The following AGAP1 variants were observed in gnomAD, a reference collection of about 807,000 sequenced individuals.
The protein encoded by AGAP1 is arf-GAP with GTPase, ANK repeat and PH domain-containing protein 1.
In AGAP1, 29 loss-of-function variants were observed where a neutral mutation model predicts 105.3. The observed-to-expected ratio is 0.28, with a 90% confidence interval of 0.21 to 0.38. The LOEUF (loss-of-function observed/expected upper bound fraction) is 0.38. Ranked by LOEUF, AGAP1 falls within the 10% of genes least tolerant of loss-of-function variation. The probability of loss-of-function intolerance (pLI) is 1.00; values close to 1 mark genes in which losing one functional copy is unlikely to be tolerated. For missense variants in AGAP1, 998 were observed against 1,165.1 expected (o/e 0.86, Z 2.09); for synonymous variants, 509 against 485.9 (o/e 1.05, Z -0.63).
intron 9 of AGAP1, among the ~76,000 whole-genome samples, chr2:235,844,234 C>T (rs865850569): frequency 3.9e-5 from 6 of 152,262 alleles, no homozygotes; most frequent in African/African-American, 1.2e-4. Context: ...TTCTAAACAA[C>T]GAATTAAAAT....
chr2:235,842,280 G>A lies in AGAP1; in HGVS notation c.1050+34949G>A, dbSNP rs1473956410. On this transcript the variant is annotated intron_variant, in intron 9 of 17. Transcript: ENST00000304032. This position sits in a 1 kb window ranked among gnomAD's most constrained non-coding sequence, Gnocchi z 5.3. ...ATTCATTCGTATTTCCACTGACTTC[G>A]ACTGAAAGTTAACGTTTCCTTCAGA... Among the ~76,000 whole-genome samples the A allele has an allele frequency of 2.6e-5, 4 of 152,226 alleles. No homozygotes were observed. Among genetic ancestry groups the A allele is most frequent in the African/African-American group, 7.2e-5 (3 of 41,454 alleles).
intron 11 of AGAP1, among the ~76,000 whole-genome samples, chr2:235,916,132 A>C (rs1271691506): frequency 2.0e-5 from 3 of 150,440 alleles, no homozygotes; most frequent in Non-Finnish European, 4.4e-5. Flanking sequence ...CTCTGTCTTA[A>C]AGGGTTTTGA....
intron 5 of AGAP1, among the ~76,000 whole-genome samples, chr2:235,749,394 C>G (rs1279246723): frequency 2.0e-5 from 3 of 151,540 alleles, no homozygotes; most frequent in African/African-American, 7.3e-5. Flanking sequence ...AAAAAAAAAG[C>G]TCAGTTTCTT....
intron 1 of AGAP1, 76 bp from the exon 2 acceptor site, chr2:235,709,103 A>G (rs1204321260): frequency 2.1e-6 from 3 of 1,425,080 alleles, no homozygotes; most frequent in African/African-American, 1.4e-5. Flanking sequence ...GGATGTGAAA[A>G]TGGCCCATTG....
intron 4 of AGAP1, among the ~76,000 whole-genome samples, chr2:235,743,274 G>A (rs1952696101): frequency 6.6e-6 from 1 of 152,232 alleles, no homozygotes; most frequent in African/African-American, 2.4e-5. Flanking sequence ...AAGTCAGAAT[G>A]CACCCTTAGG....
In AGAP1 at chr2:235,601,290, C is replaced by T. The variant is rs376327301; in HGVS notation, c.163+106441C>T. On this transcript the variant is annotated intron_variant, in intron 1 of 17. Transcript: ENST00000304032. The surrounding 1 kb of genome is among the most constrained non-coding windows in gnomAD (Gnocchi z 4.4). ...CTGTGCTTGGGGGTGGGGAGAGAGG[C>T]GAGAAGGGAAGGAGAAAGAGATGGA... is the stretch of plus-strand genomic sequence containing the variant. Among the ~76,000 whole-genome samples, 185 of 152,150 alleles carry T rather than the reference C, an allele frequency of 1.2e-3. No homozygotes were observed. Among genetic ancestry groups the T allele is most frequent in the Non-Finnish European group, 2.0e-3 (133 of 68,002 alleles).
At chr2:235,641,297 T>TTCTTTCTCTCTC (rs897669072) in intron 1 of AGAP1, among the ~76,000 whole-genome samples, 1 of 88,828 alleles carries the variant, frequency 1.1e-5, no homozygotes, top group African/African-American at 4.6e-5. Context: ...CTGCGATTCT[T>TTCTTTCTCTCTC]TCTTTCTCTC....
At chr2:235,746,125 C>CA (rs1169076813) in intron 5 of AGAP1, among the ~76,000 whole-genome samples, 2 of 151,190 alleles carry the variant, frequency 1.3e-5, no homozygotes, top group African/African-American at 2.4e-5. Context: ...GATTCTGTCT[C>CA]AAAAAAATAA....
At chr2:235,804,913 T>C (rs566368596) in intron 8 of AGAP1, among the ~76,000 whole-genome samples, 1 of 152,292 alleles carries the variant, frequency 6.6e-6, no homozygotes, top group East Asian at 1.9e-4. Context: ...ATTCCTCGGA[T>C]CCATTCCAGC....
intron 16 of AGAP1, among the ~76,000 whole-genome samples, chr2:236,071,955 A>G (rs1439255119): frequency 6.6e-6 from 1 of 152,076 alleles, no homozygotes; most frequent in Non-Finnish European, 1.5e-5. Flanking sequence ...GGTAAACTTA[A>G]AATTGTCCAA....
intron 9 of AGAP1, among the ~76,000 whole-genome samples, chr2:235,810,321 G>A (rs1453448145): frequency 6.6e-6 from 1 of 152,142 alleles, no homozygotes; most frequent in Non-Finnish European, 1.5e-5. Context: ...AGAGAACTGT[G>A]TCTTAATGCT....
At chr2:235,627,827 T>C (rs1329481899) in intron 1 of AGAP1, among the ~76,000 whole-genome samples, 1 of 152,204 alleles carries the variant, frequency 6.6e-6, no homozygotes, top group Non-Finnish European at 1.5e-5. Context: ...GTGCTTTGAA[T>C]GTTATTTTTG....
chr2:235,763,382 G>A (rs1954632735), intron 6 of AGAP1, among the ~76,000 whole-genome samples: 1 of 152,116 alleles, frequency 6.6e-6, no homozygotes, highest in South Asian at 2.1e-4. Context: ...CCCACCCTGT[G>A]GTTATTGATT....
chr2:235,509,102 C>G (rs1269589086), intron 1 of AGAP1, among the ~76,000 whole-genome samples: 1 of 152,214 alleles, frequency 6.6e-6, no homozygotes, highest in African/African-American at 2.4e-5. Flanking sequence ...GTGGTGTGAA[C>G]TCATGTGATG....
chr2:236,099,653 G>A lies in AGAP1; in HGVS notation c.2115-20539G>A, dbSNP rs6752789. ...ATATGGTTTTTTATTGTTTCTCAGAGGATTTGGTGATATCTTTGCCACCAA... is the reference window on the plus strand; with the variant it reads ...ATATGGTTTTTTATTGTTTCTCAGAAGATTTGGTGATATCTTTGCCACCAA... On this transcript the variant is annotated intron_variant, in intron 16 of 17. Transcript: ENST00000304032. Among the ~76,000 whole-genome samples, 1,483 of 152,186 alleles carry A rather than the reference G, an allele frequency of 9.7e-3. 24 individuals carry two copies. Among genetic ancestry groups the A allele is most frequent in the African/African-American group, 0.034 (1,404 of 41,518 alleles).
Position 236,002,700 on chromosome 2 carries a change from G to C in AGAP1, c.1646-33861G>C, listed in dbSNP as rs1191891007. On this transcript the variant is annotated intron_variant, in intron 13 of 17. Transcript: ENST00000304032. This position sits in a 1 kb window ranked among gnomAD's most constrained non-coding sequence, Gnocchi z 4.3. ...TAAAGGGGGGACACAGAGATGGGCA[G>C]GACTGTGAGAGTCCCCCTGAAAAGC... 6.6e-6 allele frequency among the ~76,000 whole-genome samples: 1 copy of C among 152,116 alleles called. No homozygotes were observed. Among genetic ancestry groups the C allele is most frequent in the Non-Finnish European group, 1.5e-5 (1 of 68,016 alleles).
chr2:235,730,211 A>G (rs754037650), intron 3 of AGAP1, among the ~76,000 whole-genome samples: 1 of 152,156 alleles, frequency 6.6e-6, no homozygotes, highest in Non-Finnish European at 1.5e-5. Context: ...TTATGTTCAC[A>G]TAGGAAGCAC....
intron 1 of AGAP1, among the ~76,000 whole-genome samples, chr2:235,514,713 G>C (rs754081360): frequency 6.6e-6 from 1 of 152,262 alleles, no homozygotes; most frequent in Non-Finnish European, 1.5e-5. Context: ...TTGCTGTGAC[G>C]TGGGCTGCAC....
At position 235,739,624 on chromosome 2, in the gene AGAP1, C is replaced by T. The variant is rs927784701; in HGVS notation, c.311-1339C>T. Among the ~76,000 whole-genome samples, 8 of 152,368 alleles carry T rather than the reference C, an allele frequency of 5.3e-5. No individual in the cohort carries two copies. The South Asian group carries it at 6.2e-4, about 12-fold the overall frequency. The stretch of plus-strand genomic sequence containing the variant: ...GCAGATTTATTTGCTTTAGCAAATG[C>T]GGCTGCCTGTGATGGTGGCATAGGT... On this transcript the variant is annotated intron_variant, in intron 3 of 17. Coordinates refer to ENST00000304032, the MANE Select transcript of AGAP1 (RefSeq NM_001037131.3). The surrounding 1 kb of genome is among the most constrained non-coding windows in gnomAD (Gnocchi z 5.3).
Sources: gnomAD v4.1 joint callset for allele counts (sites outside exome capture counted in the v4.1 genomes callset) on GRCh38, gnomAD v4.1.1 for gene constraint, Gnocchi (gnomAD v3.1) non-coding constraint, MANE v1.5 for transcripts, NCBI Gene and HGNC (gene_info 2026-07-23, HGNC 2026-07-21) for gene names.